RAB2A: variants seen among roughly 807,000 people sequenced by gnomAD.
RAB2A encodes the protein RAB2A, member RAS oncogene family, also known as ras-related protein Rab-2A.
In RAB2A, 7 loss-of-function variants were observed where a neutral mutation model predicts 32.5. The observed-to-expected ratio is 0.22, with a 90% CI of 0.12 to 0.40. The LOEUF is 0.40. RAB2A is among the 10% of genes least tolerant of loss of function. RAB2A has a pLI of 1.00. For synonymous variants in RAB2A, 79 were observed against 85.2 expected (o/e 0.93, Z 0.40); for missense variants, 108 against 260.7 (o/e 0.41, Z 4.03).
intron 7 of RAB2A, chr8:60,619,077 G>A (rs17823309): frequency 0.041 from 6,222 of 152,158 alleles, 175 homozygotes; most frequent in Non-Finnish European, 0.062. Flanking sequence ...AGGAAAGAGG[G>A]AAATACCAAA....
chr8:60,553,564 G>A (rs1807888945), intron 1 of RAB2A, among the ~76,000 whole-genome samples: 1 of 152,198 alleles, frequency 6.6e-6, no homozygotes, highest in South Asian at 2.1e-4. Flanking sequence ...ACACACTCAG[G>A]TAACCAGTAC....
chr8:60,555,332 A>G (rs940638500), intron 1 of RAB2A, among the ~76,000 whole-genome samples: 2 of 152,250 alleles, frequency 1.3e-5, no homozygotes, highest in Non-Finnish European at 2.9e-5. Context: ...TAAGTCTTCA[A>G]AAGCACAAAA....
rs181671765 is a variant in RAB2A at position 60,589,166 on chromosome 8, A to G, written c.363-2692A>G. On this transcript the variant is annotated intron_variant, in intron 5 of 7. Coordinates refer to ENST00000262646, the MANE Select transcript of RAB2A (RefSeq NM_002865.3). ...GAATTTTTATCCTTTTATTTTACCAATTTTTTCCTTGTGGCTGAAACATGA... is the reference window on the plus strand; with the variant it reads ...GAATTTTTATCCTTTTATTTTACCAGTTTTTTCCTTGTGGCTGAAACATGA... Among the ~76,000 whole-genome samples the G allele has an allele frequency of 2.2e-4, 34 of 152,250 alleles. No homozygotes were observed. The East Asian group carries it at 3.3e-3, about 15-fold the overall frequency.
At chr8:60,558,766 C>T in intron 1 of RAB2A, 86 bp from the exon 2 acceptor site, 1 of 1,122,932 alleles carries the variant, frequency 8.9e-7, no homozygotes, top group Non-Finnish European at 1.3e-6. Context: ...ACCAGAAACC[C>T]TGGCTGCCTC....
intron 6 of RAB2A, among the ~76,000 whole-genome samples, chr8:60,617,940 A>C (rs1368799600): frequency 6.6e-6 from 1 of 152,116 alleles, no homozygotes; most frequent in Non-Finnish European, 1.5e-5. Flanking sequence ...GGATTTGCCT[A>C]TTCTAGACAT....
At chr8:60,565,919 T>TAGCCAGG (rs1428426580) in intron 2 of RAB2A, among the ~76,000 whole-genome samples, 2 of 151,956 alleles carry the variant, frequency 1.3e-5, no homozygotes, top group African/African-American at 4.8e-5. Flanking sequence ...TTCACTATGT[T>TAGCCAGG]AGCCAGGATG....
Position 60,565,417 on chromosome 8 carries a change from C to CAAAA in RAB2A, c.118+6508_118+6511dup, listed in dbSNP as rs34983530. 2.9e-3 allele frequency among the ~76,000 whole-genome samples: 328 copies of CAAAA among 111,318 alleles called. 2 individuals are homozygous for CAAAA. Among genetic ancestry groups the CAAAA allele is most frequent in the African/African-American group, 7.6e-3 (248 of 32,504 alleles). 73.0% of individuals were successfully genotyped at this position (111,318 alleles called of 152,430 possible). On this transcript the variant is annotated intron_variant, in intron 2 of 7. Transcript: ENST00000262646. ...CTGGGCAACAGAGCAAGACCTGCCT[C>CAAAA]AAAAAAAAAAAAAAAAAGAAAGAAG...
intron 1 of RAB2A, among the ~76,000 whole-genome samples, chr8:60,524,652 T>G (rs961418792): frequency 2.6e-5 from 4 of 152,234 alleles, no homozygotes; most frequent in Non-Finnish European, 5.9e-5. Context: ...ATTTCTGCAG[T>G]GTTTCTTAAC....
chr8:60,557,124 T>C (rs1201484836), intron 1 of RAB2A, among the ~76,000 whole-genome samples: 1 of 152,230 alleles, frequency 6.6e-6, no homozygotes, highest in Non-Finnish European at 1.5e-5. Flanking sequence ...TAAAATGAGT[T>C]TGACTTTGGG....
chr8:60,541,166 A>C (rs1328263601), intron 1 of RAB2A, among the ~76,000 whole-genome samples: 7 of 152,190 alleles, frequency 4.6e-5, no homozygotes, highest in Non-Finnish European at 8.8e-5. Context: ...TCCCAGTCTA[A>C]TCATGAAAAA....
chr8:60,588,620 T>C (rs959665362), intron 5 of RAB2A, among the ~76,000 whole-genome samples: 2 of 152,128 alleles, frequency 1.3e-5, no homozygotes, highest in Admixed American at 1.3e-4. Flanking sequence ...TCCTAGTAAA[T>C]GTGTACTAAT....
intron 2 of RAB2A, among the ~76,000 whole-genome samples, chr8:60,565,676 ATTTTTTTTTTT>A (rs71252885): frequency 5.1e-5 from 5 of 97,656 alleles, no homozygotes; most frequent in Non-Finnish European, 1.0e-4. Flanking sequence ...TCTGTAGCTG[ATTTTTTTTTTT>A]TTTTTTTTTT....
At chr8:60,561,478 G>A (rs1272632980) in intron 2 of RAB2A, among the ~76,000 whole-genome samples, 2 of 152,116 alleles carry the variant, frequency 1.3e-5, no homozygotes, top group Non-Finnish European at 2.9e-5. Context: ...GAGGGAACCC[G>A]GGAAATCCTG....
chr8:60,550,209 G>A (rs1308951628), intron 1 of RAB2A, among the ~76,000 whole-genome samples: 1 of 152,032 alleles, frequency 6.6e-6, no homozygotes, highest in Non-Finnish European at 1.5e-5. Context: ...GTTTGATCAG[G>A]CAAAACATTG....
chr8:60,553,622 C>T lies in RAB2A; in HGVS notation c.47-5230C>T, dbSNP rs766081514. Among the ~76,000 whole-genome samples the T allele has an allele frequency of 2.0e-5, 3 of 152,286 alleles. No homozygotes were observed. The East Asian group carries it at 5.8e-4, about 29-fold the overall frequency. ...TATATATTTAATTTGCTTCTTATAA[C>T]AGTTCATTGAGGTGTAGAGATTTCC... On this transcript the variant is annotated intron_variant, in intron 1 of 7. Transcript: ENST00000262646.
chr8:60,558,430 TCAGA>T, intron 1 of RAB2A: 1 of 512,968 alleles, frequency 1.9e-6, no homozygotes, highest in Non-Finnish European at 3.9e-6. Flanking sequence ...AAAGTAGATC[TCAGA>T]CACTTATTGC....
chr8:60,567,558 A>G (rs1475046972), intron 2 of RAB2A, among the ~76,000 whole-genome samples: 1 of 152,086 alleles, frequency 6.6e-6, no homozygotes, highest in East Asian at 1.9e-4. Flanking sequence ...AAATTTGAAA[A>G]TAGTTTTATT....
intron 1 of RAB2A, among the ~76,000 whole-genome samples, chr8:60,557,519 AAAAC>A (rs898241804): frequency 8.1e-4 from 123 of 152,296 alleles, no homozygotes; most frequent in African/African-American, 2.4e-3. Flanking sequence ...TCATCTCAAA[AAAAC>A]AAACAAACAA....
In RAB2A at chr8:60,574,468, T is replaced by C. The variant is rs146786739; in HGVS notation, c.186+2355T>C. 5.4e-3 allele frequency among the ~76,000 whole-genome samples: 818 copies of C among 152,364 alleles called. 2 individuals carry two copies. Among genetic ancestry groups the C allele is most frequent in the Admixed American group, 0.014 (208 of 15,296 alleles). On this transcript the variant is annotated intron_variant, in intron 3 of 7. Coordinates refer to ENST00000262646, the MANE Select transcript of RAB2A (RefSeq NM_002865.3). ...GGTCACTGGATGTGTTCAGGAGATA[T>C]CTACTAAAGTACATCGTTTTGAAAA...
Sources: allele counts gnomAD v4.1 joint callset (sites outside exome capture counted in the v4.1 genomes callset), GRCh38; gene constraint gnomAD v4.1.1; transcripts MANE v1.5; gene names NCBI Gene and HGNC (gene_info 2026-07-23, HGNC 2026-07-21).